Variants in DNAI2 observed in about 807,000 individuals in gnomAD.
The protein encoded by DNAI2 is dynein, axonemal, intermediate polypeptide 2.
A neutral mutation model predicts 74.7 loss-of-function variants in DNAI2; 63 were observed. The observed-to-expected ratio is 0.84, with a 90% confidence interval of 0.69 to 1.04. The LOEUF is 1.04. Ranked by LOEUF, DNAI2 falls within the 50% of genes least tolerant of loss-of-function variation. DNAI2 has a pLI of 0.00. For missense variants in DNAI2, 688 were observed against 803.2 expected (o/e 0.86, Z 1.73); for synonymous variants, 289 against 314.9 (o/e 0.92, Z 0.87).
At chr17:74,299,917 G>C in intron 7 of DNAI2, 60 bp downstream of exon 7, 2 of 1,606,986 alleles carry the variant, frequency 1.2e-6, no homozygotes, top group Non-Finnish European at 1.7e-6. Context: ...CTGTTCCCTG[G>C]TTCCCCATCA....
In DNAI2 at chr17:74,314,153, G is replaced by A. The variant is rs1389151390; in HGVS notation, c.1755G>A (p.Val585=). 3.1e-6 allele frequency: 5 copies of A among 1,614,098 alleles called. No individual in the cohort carries two copies. In the Admixed American group the frequency reaches 8.3e-5, roughly 27 times the overall value. Residue 585 remains valine, a synonymous_variant, in exon 13 of 14, where the codon GTG becomes GTA. Coordinates refer to ENST00000311014, the MANE Select transcript of DNAI2 (RefSeq NM_023036.6). ...QQPSPEEDQV[V]EEGEEAAGEE... ...CAAGTCCAGAAGAAGACCAGGTGGT[G>A]GAGGAGGGAGAGGAAGCAGCGGGGG... is the stretch of plus-strand genomic sequence containing the variant.
rs537854520 is a variant in DNAI2, at chr17:74,314,674, T to C, written c.*141T>C. On this transcript the variant is annotated 3_prime_UTR_variant, in exon 14 of 14. Coordinates refer to ENST00000311014, the MANE Select transcript of DNAI2 (RefSeq NM_023036.6). Reference sequence around the variant, plus strand: ...AGGGTTTCTCCTCCATGATCGACCCTCCTCGTCCACCTACAAATCAGGAAC... The same window carrying C: ...AGGGTTTCTCCTCCATGATCGACCCCCCTCGTCCACCTACAAATCAGGAAC... The C allele has an allele frequency of 2.7e-5, 6 of 224,394 alleles. No homozygotes were observed. The highest frequency in any genetic ancestry group is 1.1e-4 in the African/African-American group (5 of 45,156). The allele number at this position is 224,394 out of a possible 1,614,324, so 13.9% of individuals were successfully genotyped here.
At chr17:74,310,230 C>T (rs1379732355) in intron 11 of DNAI2, 67 bp downstream of exon 11, 1 of 1,569,574 alleles carries the variant, frequency 6.4e-7, no homozygotes, top group Non-Finnish European at 8.6e-7. Context: ...GCAGAGCAGG[C>T]TAGTCAGACA....
intron 8 of DNAI2, 98 bp from the exon 9 acceptor site, chr17:74,305,121 G>T (rs2053104409): frequency 7.9e-7 from 1 of 1,269,454 alleles, no homozygotes; most frequent in African/African-American, 1.5e-5. Flanking sequence ...GGCCTTTCTA[G>T]CGCCTGCAGA....
chr17:74,281,964 G>A lies in DNAI2; in HGVS notation c.147G>A (p.Thr49=), dbSNP rs369017940. Residue 49 remains threonine (T), a synonymous_variant, in exon 2 of 14, where the codon ACG becomes ACA. Transcript: ENST00000311014. ...TCGTGGAGCGGAACCCAGTGGACAC[G>A]GGCATCCAGTGCTCGATCAGCATGT... ...EQFVERNPVD[T]GIQCSISMSE... is the part of the protein sequence containing the mutation. 1 of 1,614,128 alleles carries A rather than the reference G, an allele frequency of 6.2e-7. No individual in the cohort carries two copies. The highest frequency in any genetic ancestry group is 1.1e-5 in the South Asian group (1 of 91,084).
At chr17:74,307,006 G>C (rs2053227755) in intron 9 of DNAI2, among the ~76,000 whole-genome samples, 1 of 152,234 alleles carries the variant, frequency 6.6e-6, no homozygotes. Context: ...GAATGGGTTT[G>C]CTAAGGAGCA....
At chr17:74,304,640 T>C (rs2053074210) in intron 8 of DNAI2, among the ~76,000 whole-genome samples, 1 of 152,166 alleles carries the variant, frequency 6.6e-6, no homozygotes, top group Admixed American at 6.5e-5. Flanking sequence ...GATGGACCCA[T>C]GTCAGACAAG....
chr17:74,275,496 G>T (rs576230151), intron 1 of DNAI2, among the ~76,000 whole-genome samples: 20 of 152,158 alleles, frequency 1.3e-4, no homozygotes, highest in Admixed American at 9.8e-4. Flanking sequence ...AGGCCCAGGA[G>T]GATGGATCAC....
At position 74,305,242 on chromosome 17, in the gene DNAI2, C is replaced by T. The variant is rs768490008; in HGVS notation, c.1011C>T (p.Thr337=). 2.8e-5 allele frequency: 46 copies of T among 1,614,160 alleles called. No individual in the cohort carries two copies. The Middle Eastern group carries it at 4.9e-4, about 17-fold the overall frequency. ...STLPTKFMVG[T]EQGIVISCNR... ...AGCCCACCAAGTTCATGGTGGGGAC[C>T]GAGCAGGGCATCGTCATCTCCTGCA... Residue 337 remains threonine (T), a synonymous_variant, in exon 9 of 14, where the codon ACC becomes ACT. Coordinates refer to ENST00000311014, the MANE Select transcript of DNAI2 (RefSeq NM_023036.6).
intron 8 of DNAI2, among the ~76,000 whole-genome samples, chr17:74,301,819 AAGAG>A (rs1315440961): frequency 2.7e-5 from 4 of 147,238 alleles, no homozygotes; most frequent in African/African-American, 1.0e-4. Context: ...GAAAGAAAGA[AAGAG>A]AGGGAGAGAG....
At chr17:74,293,760 C>T (rs188107913) in intron 6 of DNAI2, among the ~76,000 whole-genome samples, 1 of 149,574 alleles carries the variant, frequency 6.7e-6, no homozygotes, top group East Asian at 1.9e-4. Flanking sequence ...TTACATGTAG[C>T]TGGCATACAA....
In DNAI2 at chr17:74,281,966, G is replaced by C. The variant is rs545101362; in HGVS notation, c.149G>C (p.Gly50Ala). Residue 50 changes from glycine (G) to alanine (A), a missense_variant, in exon 2 of 14, where the codon GGC (glycine) becomes GCC (alanine). Coordinates refer to ENST00000311014, the MANE Select transcript of DNAI2 (RefSeq NM_023036.6). ...QFVERNPVDT[G>A]IQCSISMSEH... ...GTGGAGCGGAACCCAGTGGACACGGGCATCCAGTGCTCGATCAGCATGTCG... is the reference window on the plus strand; with the variant it reads ...GTGGAGCGGAACCCAGTGGACACGGCCATCCAGTGCTCGATCAGCATGTCG... The C allele has an allele frequency of 2.5e-6, 4 of 1,614,132 alleles. No individual in the cohort carries two copies. In the South Asian group the frequency reaches 3.3e-5, roughly 13 times the overall value.
chr17:74,300,883 A>C lies in DNAI2; in HGVS notation c.865-163A>C, dbSNP rs1462425118. ...TCAGCCAGGTGTGGGAACTGTGGAC[A>C]GAACAGCAATCCTCAAAGTGTATTT... On this transcript the variant is annotated intron_variant, in intron 7 of 13. Coordinates refer to ENST00000311014, the MANE Select transcript of DNAI2 (RefSeq NM_023036.6). This position sits in a 1 kb window ranked among gnomAD's most constrained non-coding sequence, Gnocchi z 4.5. Among the ~76,000 whole-genome samples, 2 of 151,966 alleles carry C rather than the reference A, an allele frequency of 1.3e-5. No individual in the cohort carries two copies. Among genetic ancestry groups the C allele is most frequent in the Non-Finnish European group, 2.9e-5 (2 of 68,038 alleles).
At chr17:74,299,625 C>G in intron 6 of DNAI2, 93 bp from the exon 7 acceptor site, 1 of 1,555,704 alleles carries the variant, frequency 6.4e-7, no homozygotes, top group Non-Finnish European at 8.8e-7. Flanking sequence ...CCTGCCAAAC[C>G]AGAAGCAGCA....
chr17:74,278,824 A>G (rs371845293), intron 1 of DNAI2, among the ~76,000 whole-genome samples: 2 of 152,192 alleles, frequency 1.3e-5, no homozygotes, highest in South Asian at 2.1e-4. Context: ...CTACTATTTG[A>G]TAGGACAACA....
At chr17:74,288,339 G>A (rs1002846200) in intron 4 of DNAI2, among the ~76,000 whole-genome samples, 1 of 152,196 alleles carries the variant, frequency 6.6e-6, no homozygotes, top group East Asian at 1.9e-4. Flanking sequence ...TAGGTTAGGT[G>A]TATTCAATGC....
At chr17:74,285,300 C>T in intron 3 of DNAI2, 99 bp downstream of exon 3, 1 of 1,460,854 alleles carries the variant, frequency 6.8e-7, no homozygotes, top group Admixed American at 1.9e-5. Flanking sequence ...CGCTGTGAGG[C>T]TCGTGTGAAT....
At chr17:74,275,152 C>G (rs936076145) in intron 1 of DNAI2, among the ~76,000 whole-genome samples, 1 of 152,174 alleles carries the variant, frequency 6.6e-6, no homozygotes, top group Non-Finnish European at 1.5e-5. Context: ...GTGCCAGTCC[C>G]TGGGGACGGG....
At chr17:74,275,168 A>T (rs893608054) in intron 1 of DNAI2, among the ~76,000 whole-genome samples, 2 of 152,188 alleles carry the variant, frequency 1.3e-5, no homozygotes, top group Non-Finnish European at 2.9e-5. Flanking sequence ...ACGGGAGTGA[A>T]TAAAAGACCA....
Sources: gnomAD v4.1 joint callset for allele counts (sites outside exome capture counted in the v4.1 genomes callset) on GRCh38, gnomAD v4.1.1 for gene constraint, Gnocchi (gnomAD v3.1) non-coding constraint, MANE v1.5 for transcripts, NCBI Gene and HGNC (gene_info 2026-07-23, HGNC 2026-07-21) for gene names.